OXR1: variants seen among roughly 807,000 people sequenced by gnomAD.
OXR1 encodes the protein oxidation resistance protein 1.
OXR1 carries 41 observed loss-of-function variants against 104.6 expected under a neutral mutation model. The ratio of observed to expected loss-of-function variants is 0.39; its 90% CI spans 0.31 to 0.51. The LOEUF (loss-of-function observed/expected upper bound fraction) is 0.51, where lower values mean the gene tolerates loss of function less well. Among genes scored for constraint, OXR1 ranks in the 20% least tolerant of loss-of-function variants. OXR1 has a pLI of 0.77. For synonymous variants in OXR1, 348 were observed against 348.4 expected (o/e 1.00, Z 0.01); for missense variants, 955 against 1,031.9 (o/e 0.93, Z 1.02).
chr8:106,420,965 G>A (rs1818881623), intron 2 of OXR1, among the ~76,000 whole-genome samples: 1 of 152,088 alleles, frequency 6.6e-6, no homozygotes, highest in Non-Finnish European at 1.5e-5. Flanking sequence ...AAGATCGGCT[G>A]TCTCTGAGTG....
chr8:106,308,112 C>T (rs1813540683), intron 1 of OXR1, among the ~76,000 whole-genome samples: 1 of 152,004 alleles, frequency 6.6e-6, no homozygotes, highest in Non-Finnish European at 1.5e-5. Context: ...TGTCTGCAAG[C>T]TGGGGGCCCA....
At chr8:106,584,425 T>TG (rs1438624595) in intron 3 of OXR1, among the ~76,000 whole-genome samples, 2 of 151,584 alleles carry the variant, frequency 1.3e-5, no homozygotes, top group Non-Finnish European at 2.9e-5. Flanking sequence ...GCAAGAACAA[T>TG]GAAAAAAAGG....
At chr8:106,421,130 C>T (rs1234899973) in intron 2 of OXR1, among the ~76,000 whole-genome samples, 2 of 152,020 alleles carry the variant, frequency 1.3e-5, no homozygotes, top group Admixed American at 1.3e-4. Context: ...GAAATTTTAA[C>T]ATATTTAATA....
At chr8:106,622,175 G>C (rs1458801760) in intron 3 of OXR1, among the ~76,000 whole-genome samples, 9 of 152,086 alleles carry the variant, frequency 5.9e-5, no homozygotes, top group Non-Finnish European at 1.3e-4. Context: ...CAGAGATCCT[G>C]TTGGCTCTCT....
At chr8:106,563,296 C>CAGAAAAAAAAAA (rs1563608023) in intron 3 of OXR1, among the ~76,000 whole-genome samples, 1 of 125,772 alleles carries the variant, frequency 8.0e-6, no homozygotes, top group African/African-American at 3.0e-5. Flanking sequence ...AAATGGAAAG[C>CAGAAAAAAAAAA]AAAAAAAAAA....
chr8:106,739,577 T>C lies in OXR1; in HGVS notation c.2157T>C (p.Ile719=). 14 of 1,613,066 alleles carry C rather than the reference T, an allele frequency of 8.7e-6. No homozygotes were observed. The highest frequency in any genetic ancestry group is 1.2e-5 in the Non-Finnish European group (14 of 1,179,558). The change falls in exon 13 of 17, where the codon ATT becomes ATC. Residue 719 remains isoleucine, a synonymous_variant. Coordinates refer to ENST00000517566, the MANE Select transcript of OXR1 (RefSeq NM_001198533.2). The part of the protein sequence containing the change: ...DPSELLLPDQ[I]EKLTKHLPPR... The stretch of plus-strand genomic sequence containing the variant: ...GTGAACTTTTACTGCCAGATCAAAT[T>C]GAAAAGGTATGACATGCTCACATAT...
chr8:106,469,422 C>T (rs1033527711), intron 2 of OXR1, among the ~76,000 whole-genome samples: 2 of 151,764 alleles, frequency 1.3e-5, no homozygotes, highest in Non-Finnish European at 2.9e-5. Flanking sequence ...ATGAGCTGAG[C>T]TAGAATACTT....
At chr8:106,420,758 G>GTGTGTT in intron 2 of OXR1, among the ~76,000 whole-genome samples, 1 of 151,674 alleles carries the variant, frequency 6.6e-6, no homozygotes, top group East Asian at 1.9e-4. Context: ...GTGTGTGTGT[G>GTGTGTT]TTAGTTACTA....
Position 106,679,250 on chromosome 8 carries a change from A to T in OXR1, c.261A>T (p.Arg87Ser). The T allele has an allele frequency of 6.2e-7, 1 of 1,610,956 alleles. No homozygotes were observed. Residue 87 changes from arginine (R) to serine (S), a missense_variant, in exon 4 of 17, where the codon AGA (arginine) becomes AGT (serine). Physicochemically the swap from Arg to Ser is moderately radical, Grantham distance 110 (BLOSUM62 -1). This residue lies in a region of OXR1 where 849 missense variants were observed against 852.9 expected (regional missense o/e 1.00). Transcript: ENST00000517566. ...AGACCCTAGACAAGAAAGATGGAAG[A>T]CGAATGTCTTTTCAGAAACCTAAAG... Reference protein sequence around the residue: ...QKKTLDKKDGRRMSFQKPKGT... With the variant: ...QKKTLDKKDGSRMSFQKPKGT...
intron 2 of OXR1, among the ~76,000 whole-genome samples, chr8:106,460,543 A>T (rs979769010): frequency 3.9e-5 from 6 of 152,326 alleles, no homozygotes; most frequent in Middle Eastern, 3.4e-3. Context: ...AATGGTGGCT[A>T]GGGGCTTAAA....
intron 10 of OXR1, among the ~76,000 whole-genome samples, chr8:106,712,429 T>G (rs78745217): frequency 0.019 from 2,936 of 152,200 alleles, 43 homozygotes; most frequent in Non-Finnish European, 0.029. Flanking sequence ...AGATATGCCC[T>G]TCTTTTATAA....
At chr8:106,495,293 C>A (rs192714840) in intron 2 of OXR1, among the ~76,000 whole-genome samples, 1 of 152,130 alleles carries the variant, frequency 6.6e-6, no homozygotes, top group East Asian at 1.9e-4. Context: ...TTACTGAAAT[C>A]AGGTAACTAT....
Position 106,602,997 on chromosome 8 carries a change from A to G in OXR1, c.221-76213A>G, listed in dbSNP as rs572776583. 9.3e-4 allele frequency among the ~76,000 whole-genome samples: 141 copies of G among 152,320 alleles called. 2 individuals are homozygous for G. The highest frequency in any genetic ancestry group is 5.9e-4 in the Admixed American group (9 of 15,302). ...TACATTCCTCATAATGGTATATAAG[A>G]AAGCTAGTTGACCCCATTTTCACCA... On this transcript the variant is annotated intron_variant, in intron 3 of 16. Coordinates refer to ENST00000517566, the MANE Select transcript of OXR1 (RefSeq NM_001198533.2).
At position 106,502,250 on chromosome 8, in the gene OXR1, T is replaced by A. The variant is rs565841999; in HGVS notation, c.24-16693T>A. On this transcript the variant is annotated intron_variant, in intron 2 of 16. Transcript: ENST00000517566. The stretch of plus-strand genomic sequence containing the variant: ...CTTCATTGTCTTGAATTCCTAATAA[T>A]TTTTTAACAAGGGGCCTCACAGTTT... 2.0e-5 allele frequency among the ~76,000 whole-genome samples: 3 copies of A among 152,300 alleles called. No homozygotes were observed. The East Asian group carries it at 5.8e-4, about 29-fold the overall frequency.
chr8:106,571,337 T>G (rs1426411662), intron 3 of OXR1, among the ~76,000 whole-genome samples: 2 of 152,090 alleles, frequency 1.3e-5, no homozygotes, highest in African/African-American at 4.8e-5. Context: ...GCTTTTTCAC[T>G]GTGTTCTTAC....
chr8:106,598,427 C>T (rs1438160345), intron 3 of OXR1, among the ~76,000 whole-genome samples: 2 of 152,170 alleles, frequency 1.3e-5, no homozygotes, highest in Non-Finnish European at 2.9e-5. Flanking sequence ...TTTCTGTGGG[C>T]CTCTCTAAAA....
intron 11 of OXR1, among the ~76,000 whole-genome samples, chr8:106,718,927 C>T (rs925781459): frequency 1.3e-5 from 2 of 151,676 alleles, no homozygotes; most frequent in African/African-American, 4.8e-5. Context: ...AATCAAGGCA[C>T]AAAATGATTA....
rs557808007 is a variant in OXR1, at chr8:106,388,567, T to G, written c.23+28931T>G. Among the ~76,000 whole-genome samples the G allele has an allele frequency of 1.5e-4, 23 of 152,094 alleles. No individual in the cohort carries two copies. The South Asian group carries it at 4.8e-3, about 32-fold the overall frequency. ...CCTCCCGAGTAGCTGGGATTACAGG[T>G]GCCCACCACCACACCTGGCTAATTT... On this transcript the variant is annotated intron_variant, in intron 2 of 16. Coordinates refer to ENST00000517566, the MANE Select transcript of OXR1 (RefSeq NM_001198533.2).
At chr8:106,681,623 C>T (rs1390291389) in intron 4 of OXR1, among the ~76,000 whole-genome samples, 1 of 152,098 alleles carries the variant, frequency 6.6e-6, no homozygotes, top group Admixed American at 6.6e-5. Flanking sequence ...TTCCCAGGCT[C>T]AAGTGATCCT....
Sources: gnomAD v4.1 joint callset for allele counts (sites outside exome capture counted in the v4.1 genomes callset) on GRCh38, gnomAD v4.1.1 for gene constraint, gnomAD v4.1.1 regional missense constraint, MANE v1.5 for transcripts, NCBI Gene and HGNC (gene_info 2026-07-23, HGNC 2026-07-21) for gene names.